The following CAMK1D variants were observed in gnomAD, a reference collection of about 807,000 sequenced individuals.
The protein encoded by CAMK1D is calcium/calmodulin dependent protein kinase ID.
Under a neutral mutation model 47.7 loss-of-function variants are expected in CAMK1D, and 9 were observed. The observed-to-expected ratio is 0.19, with a 90% CI of 0.11 to 0.33. The LOEUF (loss-of-function observed/expected upper bound fraction) is 0.33, where lower values mean the gene tolerates loss of function less well. CAMK1D is among the 10% of genes least tolerant of loss of function. The probability of loss-of-function intolerance (pLI) is 1.00; values close to 1 mark genes in which losing one functional copy is unlikely to be tolerated. For missense variants in CAMK1D, 291 were observed against 488.7 expected, an observed-to-expected ratio of 0.60 and a Z score of 3.81; for synonymous variants, 184 against 184.9, an observed-to-expected ratio of 0.99 and a Z score of 0.04.
At chr10:12,783,424 A>G (rs1837587670) in intron 5 of CAMK1D, among the ~76,000 whole-genome samples, 1 of 152,214 alleles carries the variant, frequency 6.6e-6, no homozygotes, top group South Asian at 2.1e-4. Context: ...AGGAGAGGCC[A>G]CACAGACTTC....
At chr10:12,754,389 C>G (rs1390580962) in intron 3 of CAMK1D, among the ~76,000 whole-genome samples, 1 of 152,174 alleles carries the variant, frequency 6.6e-6, no homozygotes, top group African/African-American at 2.4e-5. Context: ...GAAACAGAGA[C>G]AGCCTATTGT....
chr10:12,556,552 G>C (rs1836767386), intron 2 of CAMK1D, among the ~76,000 whole-genome samples: 1 of 152,150 alleles, frequency 6.6e-6, no homozygotes, highest in African/African-American at 2.4e-5. Context: ...GAAACGCAGA[G>C]GGACATTCCA....
chr10:12,512,016 T>C (rs562477332), intron 1 of CAMK1D, among the ~76,000 whole-genome samples: 6 of 152,300 alleles, frequency 3.9e-5, no homozygotes, highest in African/African-American at 1.4e-4. Flanking sequence ...CTGTCTGGTG[T>C]TCCCCATAGA....
intron 1 of CAMK1D, among the ~76,000 whole-genome samples, chr10:12,426,977 A>G (rs1452033049): frequency 6.6e-6 from 1 of 152,148 alleles, no homozygotes; most frequent in African/African-American, 2.4e-5. Flanking sequence ...GGCCTCCCAG[A>G]GTGCTGGGAT....
chr10:12,490,011 G>A (rs916798335), intron 1 of CAMK1D, among the ~76,000 whole-genome samples: 3 of 152,208 alleles, frequency 2.0e-5, no homozygotes, highest in Non-Finnish European at 4.4e-5. Context: ...GCACACTCAC[G>A]GGTCTGGGCT....
chr10:12,551,985 A>C (rs899365692), intron 1 of CAMK1D, among the ~76,000 whole-genome samples: 5 of 152,216 alleles, frequency 3.3e-5, no homozygotes, highest in African/African-American at 4.8e-5. Flanking sequence ...AAGTCTTGGC[A>C]CAGAGAACGA....
chr10:12,353,054 A>C (rs1187143482), intron 1 of CAMK1D, among the ~76,000 whole-genome samples: 3 of 152,014 alleles, frequency 2.0e-5, no homozygotes, highest in African/African-American at 7.2e-5. Context: ...TGTACTTTCT[A>C]GAAGTGGTCC....
At chr10:12,779,776 G>A (rs546971218) in intron 5 of CAMK1D, among the ~76,000 whole-genome samples, 4 of 149,976 alleles carry the variant, frequency 2.7e-5, no homozygotes, top group Non-Finnish European at 5.9e-5. Flanking sequence ...TCATCACCTA[G>A]CAGTATTTTA....
chr10:12,513,031 G>A (rs536876585), intron 1 of CAMK1D, among the ~76,000 whole-genome samples: 130 of 152,326 alleles, frequency 8.5e-4, no homozygotes, highest in African/African-American at 3.0e-3. Flanking sequence ...GGAGAGGTTT[G>A]GATTGACTGC....
chr10:12,554,881 G>A lies in CAMK1D; in HGVS notation c.224+1525G>A, dbSNP rs575654446. Among the ~76,000 whole-genome samples the A allele has an allele frequency of 3.3e-5, 5 of 152,152 alleles. No individual in the cohort carries two copies. The Middle Eastern group carries it at 0.014, about 414-fold the overall frequency. On this transcript the variant is annotated intron_variant, in intron 2 of 10. Coordinates refer to ENST00000619168, the MANE Select transcript of CAMK1D (RefSeq NM_153498.4). ...CTGATGTGTCTGGATCCATCCCAGC[G>A]ATGTTCTTTCATAAGTGTGGTGTCC...
chr10:12,705,941 A>T (rs1442379349), intron 3 of CAMK1D, among the ~76,000 whole-genome samples: 1 of 152,234 alleles, frequency 6.6e-6, no homozygotes, highest in Admixed American at 6.5e-5. Flanking sequence ...GTATTATAAT[A>T]ACTTAGCATC....
chr10:12,727,119 G>T (rs996318744), intron 3 of CAMK1D, among the ~76,000 whole-genome samples: 12 of 152,232 alleles, frequency 7.9e-5, no homozygotes, highest in Admixed American at 7.8e-4. Flanking sequence ...GGCCCAAATA[G>T]CCAGGAGCTG....
intron 2 of CAMK1D, among the ~76,000 whole-genome samples, chr10:12,640,414 C>G (rs1839633556): frequency 6.6e-6 from 1 of 152,178 alleles, no homozygotes; most frequent in African/African-American, 2.4e-5. Flanking sequence ...ATATCTTCGT[C>G]ACAGGTAGGC....
At chr10:12,440,982 C>T (rs1832769125) in intron 1 of CAMK1D, among the ~76,000 whole-genome samples, 1 of 152,220 alleles carries the variant, frequency 6.6e-6, no homozygotes, top group Non-Finnish European at 1.5e-5. Flanking sequence ...GGTCATAAGA[C>T]CCTCATTCCA....
intron 1 of CAMK1D, among the ~76,000 whole-genome samples, chr10:12,417,031 G>A (rs541266933): frequency 6.6e-6 from 1 of 152,226 alleles, no homozygotes; most frequent in African/African-American, 2.4e-5. Flanking sequence ...GTGGGACTTT[G>A]GACAAGGTTC....
At chr10:12,561,754 G>C (rs1187937888) in intron 2 of CAMK1D, among the ~76,000 whole-genome samples, 2 of 152,208 alleles carry the variant, frequency 1.3e-5, no homozygotes, top group Non-Finnish European at 2.9e-5. Context: ...TTCTCATGGT[G>C]TTTTGTCCCT....
intron 6 of CAMK1D, among the ~76,000 whole-genome samples, chr10:12,799,831 G>T (rs1838352432): frequency 6.6e-6 from 1 of 152,132 alleles, no homozygotes; most frequent in Admixed American, 6.5e-5. Flanking sequence ...GGATTTTGCT[G>T]CTCACTAGTC....
intron 1 of CAMK1D, among the ~76,000 whole-genome samples, chr10:12,542,008 G>A (rs1415435746): frequency 1.3e-5 from 2 of 151,894 alleles, no homozygotes; most frequent in Non-Finnish European, 2.9e-5. Flanking sequence ...GTGAGTAGCT[G>A]GGACAATAGG....
rs185090402 is a variant in CAMK1D at position 12,527,108 on chromosome 10, G to A, written c.93-26117G>A. Among the ~76,000 whole-genome samples the A allele has an allele frequency of 1.5e-3, 223 of 152,098 alleles. 1 individual carries two copies. The highest frequency in any genetic ancestry group is 2.7e-3 in the Non-Finnish European group (184 of 68,008). Reference sequence around the variant, plus strand: ...CCACTTTCTTTGGCCAGGTAGAAGGGTTATTTCTTGGGATTTTAGGGGCTT... The same window carrying A: ...CCACTTTCTTTGGCCAGGTAGAAGGATTATTTCTTGGGATTTTAGGGGCTT... On this transcript the variant is annotated intron_variant, in intron 1 of 10. Coordinates refer to ENST00000619168, the MANE Select transcript of CAMK1D (RefSeq NM_153498.4).
Sources: gnomAD v4.1 joint callset for allele counts (sites outside exome capture counted in the v4.1 genomes callset) on GRCh38, gnomAD v4.1.1 for gene constraint, MANE v1.5 for transcripts, NCBI Gene and HGNC (gene_info 2026-07-23, HGNC 2026-07-21) for gene names.